PCDHGA3: variants seen among roughly 807,000 people sequenced by gnomAD.
PCDHGA3 encodes the protein protocadherin gamma subfamily A, 3.
Under a neutral mutation model 58.5 loss-of-function variants are expected in PCDHGA3, and 40 were observed. That is an observed-to-expected ratio of 0.68 (90% confidence interval 0.53 to 0.89). The LOEUF (loss-of-function observed/expected upper bound fraction) is 0.89, where lower values mean the gene tolerates loss of function less well. PCDHGA3 is among the 40% of genes least tolerant of loss of function. The probability of loss-of-function intolerance (pLI) is 0.00; values close to 1 mark genes in which losing one functional copy is unlikely to be tolerated. For synonymous variants in PCDHGA3, 530 were observed against 525.7 expected (o/e 1.01, Z -0.11); for missense variants, 1,223 against 1,195.9 (o/e 1.02, Z -0.33).
chr5:141,485,109 CTGTT>C lies in PCDHGA3; in HGVS notation c.2425-9695_2425-9692del. ...AGATAGGTGTCTCCAGCTGCTGTGG[CTGTT>C]TGGGGCGGGTCGGCTTCATCCGCGT... On this transcript the variant is annotated intron_variant, in intron 1 of 3. Transcript: ENST00000253812. This position sits in a 1 kb window ranked among gnomAD's most constrained non-coding sequence, Gnocchi z 5.7. 8.1e-7 allele frequency: 1 copy of C among 1,230,964 alleles called. No individual in the cohort carries two copies. Among genetic ancestry groups the C allele is most frequent in the Non-Finnish European group, 1.2e-6 (1 of 850,026 alleles). The allele number at this position is 1,230,964 out of a possible 1,614,324, so 76.3% of individuals were successfully genotyped here.
rs754530973 is a variant in PCDHGA3 at position 141,413,859 on chromosome 5, C to T, written c.2424+67402C>T. 11 of 1,613,248 alleles carry T rather than the reference C, an allele frequency of 6.8e-6. No individual in the cohort carries two copies. The Admixed American group carries it at 1.7e-4, about 24-fold the overall frequency. On this transcript the variant is annotated intron_variant, in intron 1 of 3. Transcript: ENST00000253812. ...ACGGGGGTGACCCTCTCCGATCTGG[C>T]ACTGTCCTTGTCAGTGTGACTGTCT...
intron 1 of PCDHGA3, chr5:141,362,463 C>G (rs745712262): frequency 6.2e-7 from 1 of 1,613,916 alleles, no homozygotes; most frequent in Non-Finnish European, 8.5e-7. Flanking sequence ...AATTGGTTCC[C>G]GCGCAAGATC....
chr5:141,433,592 T>C (rs1043652093), intron 1 of PCDHGA3, among the ~76,000 whole-genome samples: 5 of 152,020 alleles, frequency 3.3e-5, no homozygotes, highest in Non-Finnish European at 7.4e-5. Context: ...TCCCAGTACT[T>C]TGGGAGGCCG....
rs538105673 is a variant in PCDHGA3, at chr5:141,427,796, C to T, written c.2425-67011C>T. On this transcript the variant is annotated intron_variant, in intron 1 of 3. Transcript: ENST00000253812. Reference sequence around the variant, plus strand: ...TGCGGGCACTGTCGTCCTACGTGTCCGTGAGCGCACAGAGCGGGGTGGTGG... The same window carrying T: ...TGCGGGCACTGTCGTCCTACGTGTCTGTGAGCGCACAGAGCGGGGTGGTGG... The T allele has an allele frequency of 3.6e-4, 547 of 1,502,104 alleles. 5 individuals carry two copies. In the South Asian group the frequency reaches 5.9e-3, roughly 16 times the overall value. The allele number at this position is 1,502,104 out of a possible 1,614,324, so 93.0% of individuals were successfully genotyped here.
chr5:141,393,446 C>A (rs572838831), intron 1 of PCDHGA3: 1 of 1,614,038 alleles, frequency 6.2e-7, no homozygotes, highest in East Asian at 2.2e-5. Flanking sequence ...ACCACCTGGT[C>A]CTCACGGCCT....
At position 141,399,337 on chromosome 5, in the gene PCDHGA3, GGAACCCTAGACC is replaced by G. The variant is rs754766358; in HGVS notation, c.2424+52883_2424+52894del. 29 of 1,613,990 alleles carry G rather than the reference GGAACCCTAGACC, an allele frequency of 1.8e-5. No individual in the cohort carries two copies. In the South Asian group the frequency reaches 3.1e-4, roughly 17 times the overall value. Reference sequence around the variant, plus strand: ...AAATTCGTATAAGTTGGTAACAGATGGAACCCTAGACCGAGAGCAAACCCCGGAGTACAATGT... The same window carrying G: ...AAATTCGTATAAGTTGGTAACAGATGGAGAGCAAACCCCGGAGTACAATGT... On this transcript the variant is annotated intron_variant, in intron 1 of 3. Transcript: ENST00000253812.
intron 1 of PCDHGA3, chr5:141,422,545 T>C: frequency 6.2e-7 from 1 of 1,614,000 alleles, no homozygotes; most frequent in Non-Finnish European, 8.5e-7. Context: ...AACTCATGTC[T>C]GGCTGAATGT....
chr5:141,364,365 A>G, intron 1 of PCDHGA3: 3 of 1,562,826 alleles, frequency 1.9e-6, no homozygotes, highest in Non-Finnish European at 2.6e-6. Context: ...GGCTGCGGAG[A>G]GCTGCTGCTG....
rs371619613 is a variant in PCDHGA3 at position 141,444,258 on chromosome 5, G to A, written c.2425-50549G>A. The stretch of plus-strand genomic sequence containing the variant: ...ATGCTCTCGGCTCACTGCAACCTCC[G>A]CCTCCCAGGTTCAAGTGATTCTCCT... On this transcript the variant is annotated intron_variant, in intron 1 of 3. Coordinates refer to ENST00000253812, the MANE Select transcript of PCDHGA3 (RefSeq NM_018916.4). 1.3e-4 allele frequency among the ~76,000 whole-genome samples: 16 copies of A among 127,752 alleles called. No homozygotes were observed. The South Asian group carries it at 2.7e-3, about 21-fold the overall frequency. The allele number at this position is 127,752 out of a possible 152,430, so 83.8% of individuals were successfully genotyped here.
Position 141,485,156 on chromosome 5 carries a change from A to G in PCDHGA3, c.2425-9651A>G. The G allele has an allele frequency of 6.3e-7, 1 of 1,599,118 alleles. No homozygotes were observed. The highest frequency in any genetic ancestry group is 8.6e-7 in the Non-Finnish European group (1 of 1,168,318). On this transcript the variant is annotated intron_variant, in intron 1 of 3. Transcript: ENST00000253812. The surrounding 1 kb of genome is among the most constrained non-coding windows in gnomAD (Gnocchi z 5.7). ...ATCCGCGTCTCAGGAGCAAGTAGAG[A>G]ATTAGCGGGCGGCAGCAATGCTCCG... is the stretch of plus-strand genomic sequence containing the variant.
intron 3 of PCDHGA3, among the ~76,000 whole-genome samples, chr5:141,509,962 C>A (rs1186902807): frequency 2.0e-5 from 3 of 152,206 alleles, no homozygotes. Context: ...CGGGTATGGC[C>A]TTGGTCCTTC....
At chr5:141,414,137 T>C in intron 1 of PCDHGA3, 1 of 1,595,618 alleles carries the variant, frequency 6.3e-7, no homozygotes, top group South Asian at 1.1e-5. Context: ...TTCTATGAAA[T>C]AGAAATACAA....
chr5:141,383,714 G>T (rs1561598272), intron 1 of PCDHGA3: 3 of 1,613,972 alleles, frequency 1.9e-6, no homozygotes, highest in Middle Eastern at 1.6e-4. Context: ...CTGGACGAGG[G>T]AGTCAATGGG....
Position 141,476,556 on chromosome 5 carries a change from C to A in PCDHGA3, c.2425-18251C>A. 1 of 1,614,234 alleles carries A rather than the reference C, an allele frequency of 6.2e-7. No homozygotes were observed. Among genetic ancestry groups the A allele is most frequent in the Non-Finnish European group, 8.5e-7 (1 of 1,180,036 alleles). ...GAAATGAAATTGGAGATTAGCGAGG[C>A]CGTGGCTCCGGGGACGCGCTTTCCG... On this transcript the variant is annotated intron_variant, in intron 1 of 3. Coordinates refer to ENST00000253812, the MANE Select transcript of PCDHGA3 (RefSeq NM_018916.4). The surrounding 1 kb of genome is among the most constrained non-coding windows in gnomAD (Gnocchi z 7.6).
Position 141,505,473 on chromosome 5 carries a change from C to T in PCDHGA3, c.2564C>T (p.Ser855Phe). The change falls in exon 3 of 4, where the codon TCC (serine) becomes TTC (phenylalanine). Residue 855 changes from serine to phenylalanine, a missense_variant. Transcript: ENST00000253812. Reference sequence around the variant, plus strand: ...ATGCTGCAAGCCATGATCTTGGCGTCCGCCAGTGGTAAGTGGTGTCAGTGT... The same window carrying T: ...ATGCTGCAAGCCATGATCTTGGCGTTCGCCAGTGGTAAGTGGTGTCAGTGT... ...TEMLQAMILA[S>F]ASEAADGSST... is the part of the protein sequence containing the mutation. The T allele has an allele frequency of 6.2e-7, 1 of 1,614,188 alleles. No homozygotes were observed. Among genetic ancestry groups the T allele is most frequent in the Non-Finnish European group, 8.5e-7 (1 of 1,180,014 alleles).
rs750014647 is a variant in PCDHGA3, at chr5:141,426,649, T to C, written c.2425-68158T>C. 53 of 418,716 alleles carry C rather than the reference T, an allele frequency of 1.3e-4. 1 individual carries two copies. Among genetic ancestry groups the C allele is most frequent in the South Asian group, 6.9e-4 (42 of 60,762 alleles). The allele number at this position is 418,716 out of a possible 1,614,324, so 25.9% of individuals were successfully genotyped here. On this transcript the variant is annotated intron_variant, in intron 1 of 3. Coordinates refer to ENST00000253812, the MANE Select transcript of PCDHGA3 (RefSeq NM_018916.4). Reference sequence around the variant, plus strand: ...AATGTTTTTCACATAAATGTGATGATAGAAGATATAAATGATAACCCACCT... The same window carrying C: ...AATGTTTTTCACATAAATGTGATGACAGAAGATATAAATGATAACCCACCT...
intron 1 of PCDHGA3, 106 bp downstream of exon 1, chr5:141,346,563 T>C (rs1488961936): frequency 9.6e-6 from 14 of 1,461,888 alleles, no homozygotes; most frequent in Non-Finnish European, 1.3e-5. Flanking sequence ...AGGTTGTCAT[T>C]AGTCCTTTGA....
chr5:141,506,209 G>A (rs549403288), intron 3 of PCDHGA3, among the ~76,000 whole-genome samples: 3 of 152,284 alleles, frequency 2.0e-5, no homozygotes, highest in African/African-American at 7.2e-5. Context: ...CCAGCACTTT[G>A]GGAAGCTGAG....
At chr5:141,504,743 G>A (rs924744762) in intron 2 of PCDHGA3, among the ~76,000 whole-genome samples, 5 of 151,982 alleles carry the variant, frequency 3.3e-5, no homozygotes, top group African/African-American at 9.7e-5. Context: ...GGAAGCCATT[G>A]AATTTTAGAA....
Sources: gnomAD v4.1 joint callset for allele counts (sites outside exome capture counted in the v4.1 genomes callset) on GRCh38, gnomAD v4.1.1 for gene constraint, Gnocchi (gnomAD v3.1) non-coding constraint, MANE v1.5 for transcripts, NCBI Gene and HGNC (gene_info 2026-07-23, HGNC 2026-07-21) for gene names.